FAHD1: variants seen among roughly 807,000 people sequenced by gnomAD.
FAHD1 encodes oxaloacetate tautomerase FAHD1, mitochondrial.
In FAHD1, 14 loss-of-function variants were observed where a neutral mutation model predicts 12.7. The observed-to-expected ratio is 1.10, with a 90% confidence interval of 0.73 to 1.72. The LOEUF (loss-of-function observed/expected upper bound fraction) is 1.72. FAHD1 is among the 40% of genes most tolerant of loss of function. FAHD1 has a pLI of 0.00. For missense variants in FAHD1, 351 were observed against 298.9 expected (o/e 1.17, Z -1.29); for synonymous variants, 153 against 124.9 (o/e 1.22, Z -1.50).
chr16:1,828,665 C>G, exon 1 of FAHD1: 2 of 944,118 alleles, frequency 2.1e-6, no homozygotes, highest in African/African-American at 3.6e-5. Context: ...CTCGGACTTG[C>G]TGAATCAATT....
chr16:1,827,628 G>A (rs1010113397), exon 1 of FAHD1: 1 of 1,614,036 alleles, frequency 6.2e-7, no homozygotes, highest in Admixed American at 1.7e-5. Flanking sequence ...CGGTCAGCGC[G>A]TTCGTGCCCA....
downstream of FAHD1, among the ~76,000 whole-genome samples, chr16:1,829,451 T>C (rs571674177): frequency 6.6e-6 from 1 of 152,322 alleles, no homozygotes; most frequent in South Asian, 2.1e-4. Context: ...CTCAGCTTAG[T>C]GGCAGAGCCG....
intron 1 of FAHD1, among the ~76,000 whole-genome samples, chr16:1,836,478 G>T (rs1021960313): frequency 1.3e-5 from 2 of 152,092 alleles, no homozygotes; most frequent in African/African-American, 4.8e-5. Context: ...ACCTAAGCAT[G>T]CCCTGACTTG....
Position 1,838,661 on chromosome 16 carries a change from A to G in FAHD1, c.*8+527A>G, listed in dbSNP as rs532249756. Among the ~76,000 whole-genome samples, 61 of 152,100 alleles carry G rather than the reference A, an allele frequency of 4.0e-4. 1 individual carries two copies. In the South Asian group the frequency reaches 0.012, roughly 29 times the overall value. ...TTGTTTTACCCATCGTTACTTGACT[A>G]TATCAAACATCATGTTTCCTTAGTG... On this transcript the variant is annotated intron_variant, in intron 2 of 2. Coordinates refer to the FAHD1 transcript ENST00000382666.
At chr16:1,837,154 T>A (rs1898771122) in intron 1 of FAHD1, among the ~76,000 whole-genome samples, 1 of 152,150 alleles carries the variant, frequency 6.6e-6, no homozygotes, top group Non-Finnish European at 1.5e-5. Context: ...GAGGCAACTG[T>A]GGCCCTTCAG....
chr16:1,833,099 T>C (rs952528921), downstream of FAHD1, among the ~76,000 whole-genome samples: 1 of 152,092 alleles, frequency 6.6e-6, no homozygotes, highest in Non-Finnish European at 1.5e-5. Flanking sequence ...AGGCCGTGGG[T>C]CAACACTGAC....
At chr16:1,833,791 G>A (rs2142068758), downstream of FAHD1, among the ~76,000 whole-genome samples, 1 of 152,120 alleles carries the variant, frequency 6.6e-6, no homozygotes, top group South Asian at 2.1e-4. Flanking sequence ...TCGATCTCCT[G>A]ACTGCCTTGG....
chr16:1,828,810 T>A, exon 1 of FAHD1: 1 of 997,258 alleles, frequency 1.0e-6, no homozygotes, highest in Non-Finnish European at 1.2e-6. Context: ...GTAATGAAGA[T>A]TTCACCTGTT....
downstream of FAHD1, among the ~76,000 whole-genome samples, chr16:1,829,493 G>C (rs36040510): frequency 0.18 from 26,974 of 152,000 alleles, 2,531 homozygotes; most frequent in South Asian, 0.27. Context: ...AGACCAGAAC[G>C]TGAAGTTTTG....
chr16:1,829,870 T>TTC (rs1362032918), downstream of FAHD1, among the ~76,000 whole-genome samples: 2 of 152,046 alleles, frequency 1.3e-5, no homozygotes, highest in East Asian at 1.9e-4. Context: ...CTTTCTTTCT[T>TTC]TTTTCTTTTT....
intron 2 of FAHD1, among the ~76,000 whole-genome samples, chr16:1,838,947 C>G (rs1369246797): frequency 1.3e-5 from 2 of 152,202 alleles, no homozygotes; most frequent in African/African-American, 4.8e-5. Context: ...CCTCCTTGGC[C>G]TCCCAAAGTG....
At chr16:1,839,142 G>A (rs1898829897) in intron 2 of FAHD1, 17 of 1,275,908 alleles carry the variant, frequency 1.3e-5, no homozygotes, top group Non-Finnish European at 1.8e-5. Flanking sequence ...TTCCCAGGCT[G>A]TTTATTAGTG....
chr16:1,828,927 AT>A (rs932840253), downstream of FAHD1: 159 of 999,252 alleles, frequency 1.6e-4, no homozygotes, highest in Middle Eastern at 5.2e-4. Flanking sequence ...TACAAGGGTA[AT>A]TTTTTTCCCC....
At chr16:1,833,505 T>G (rs1272194366), downstream of FAHD1, among the ~76,000 whole-genome samples, 1 of 150,652 alleles carries the variant, frequency 6.6e-6, no homozygotes, top group Non-Finnish European at 1.5e-5. Flanking sequence ...GTCAGATCTG[T>G]CAGATGACGA....
exon 1 of FAHD1, chr16:1,827,934 G>T: frequency 6.2e-7 from 1 of 1,602,570 alleles, no homozygotes; most frequent in South Asian, 1.1e-5. Context: ...CGAGAGAGAA[G>T]GGAGCAAGAC....
chr16:1,837,886 AT>A (rs141132983), intron 1 of FAHD1: 223,898 of 1,461,320 alleles, frequency 0.15, 10,992 homozygotes, highest in South Asian at 0.24. Flanking sequence ...TAAAAAAAAA[AT>A]ATGAGACAAA....
rs1344191208 is a variant in FAHD1, at chr16:1,827,990, A to G, written c.*86A>G. 4 of 1,535,914 alleles carry G rather than the reference A, an allele frequency of 2.6e-6. No homozygotes were observed. In the African/African-American group the frequency reaches 4.2e-5, roughly 16 times the overall value. On this transcript the variant is annotated 3_prime_UTR_variant, in exon 1 of 1. Coordinates refer to ENST00000427358, the Ensembl canonical transcript of FAHD1. ...AAATGTCACAATCCTTTAATTAGAA[A>G]CCATTTATTGGCCGGACGCGGTGGC...
At chr16:1,834,651 G>A (rs1448641682) in intron 1 of FAHD1, among the ~76,000 whole-genome samples, 5 of 152,368 alleles carry the variant, frequency 3.3e-5, no homozygotes. Context: ...ATGTGGCCGG[G>A]TGCTGGTGCA....
At chr16:1,837,876 T>TAA in intron 1 of FAHD1, 11 of 1,346,390 alleles carry the variant, frequency 8.2e-6, no homozygotes, top group South Asian at 4.5e-5. Context: ...TGTACCTGGT[T>TAA]AAAAAAAAAA....
Sources: allele counts gnomAD v4.1 joint callset (sites outside exome capture counted in the v4.1 genomes callset), GRCh38; gene constraint gnomAD v4.1.1; transcripts MANE v1.5; gene names NCBI Gene and HGNC (gene_info 2026-07-23, HGNC 2026-07-21).